Variants in ABCB11 observed in about 807,000 individuals in gnomAD.
ABCB11 encodes ATP binding cassette subfamily B member 11.
ABCB11 carries 95 observed loss-of-function variants against 148.0 expected under a neutral mutation model. That is an observed-to-expected ratio of 0.64 (90% CI 0.54 to 0.76). The LOEUF (loss-of-function observed/expected upper bound fraction) is 0.76, where lower values mean the gene tolerates loss of function less well. Among genes scored for constraint, ABCB11 ranks in the 30% least tolerant of loss-of-function variants. ABCB11 has a pLI of 0.00. For missense variants in ABCB11, 1,523 were observed against 1,617.8 expected (o/e 0.94, Z 1.01); for synonymous variants, 591 against 555.4 (o/e 1.06, Z -0.90).
intron 14 of ABCB11, chr2:168,970,726 TCAGA>T (rs751139992): frequency 4.4e-6 from 1 of 228,946 alleles, no homozygotes; most frequent in Non-Finnish European, 8.8e-6. Context: ...GTGTTAGTGG[TCAGA>T]CACTTATCTT....
chr2:168,983,330 A>C (rs1032901910), intron 10 of ABCB11, among the ~76,000 whole-genome samples: 3 of 152,186 alleles, frequency 2.0e-5, no homozygotes, highest in African/African-American at 7.2e-5. Flanking sequence ...TAAATGTCAA[A>C]GTTCTTAGGA....
chr2:168,992,146 G>C lies in ABCB11; in HGVS notation c.784-1221C>G, dbSNP rs35059993. Among the ~76,000 whole-genome samples the C allele has an allele frequency of 4.6e-5, 7 of 151,762 alleles. No individual in the cohort carries two copies. The East Asian group carries it at 1.2e-3, about 25-fold the overall frequency. On this transcript the variant is annotated intron_variant, in intron 8 of 27. Coordinates refer to ENST00000650372, the MANE Select transcript of ABCB11 (RefSeq NM_003742.4). The stretch of plus-strand genomic sequence containing the variant: ...ATAGTTTGTTGTATAGTTGCTTGTA[G>C]AAGTTTGTTGTATAAGGACAAGCAT...
intron 5 of ABCB11, among the ~76,000 whole-genome samples, chr2:169,006,556 G>GATAAA (rs140687117): frequency 0.027 from 4,132 of 150,958 alleles, 51 homozygotes; most frequent in Non-Finnish European, 0.031. Flanking sequence ...TAGGCAATAA[G>GATAAA]ATAAAATAAA....
Position 168,923,396 on chromosome 2 carries a change from A to C in ABCB11, c.*226T>G. 1 of 589,400 alleles carries C rather than the reference A, an allele frequency of 1.7e-6. No individual in the cohort carries two copies. Among genetic ancestry groups the C allele is most frequent in the Non-Finnish European group, 3.0e-6 (1 of 334,218 alleles). 36.5% of individuals were successfully genotyped at this position (589,400 alleles called of 1,614,324 possible). On this transcript the variant is annotated 3_prime_UTR_variant, in exon 28 of 28. Transcript: ENST00000650372. ...TTGGGTTTTCCCTCATATGGACCCT[A>C]GTTTCTTTCATTTTCTGTATACACA...
chr2:168,985,388 A>G (rs1401115542), intron 10 of ABCB11, among the ~76,000 whole-genome samples: 1 of 152,170 alleles, frequency 6.6e-6, no homozygotes, highest in Non-Finnish European at 1.5e-5. Flanking sequence ...CAGCAATCCC[A>G]CTACTGGGTA....
intron 1 of ABCB11, among the ~76,000 whole-genome samples, chr2:169,021,571 CAAA>C (rs1235125432): frequency 3.3e-5 from 5 of 151,496 alleles, no homozygotes; most frequent in Non-Finnish European, 7.4e-5. Context: ...GATAAACAGA[CAAA>C]AAATTAGAAA....
At position 168,924,514 on chromosome 2, in the gene ABCB11, TTG is replaced by T. The variant is rs1484062435; in HGVS notation, c.3765+141_3765+142del. The T allele has an allele frequency of 4.4e-6, 3 of 677,240 alleles. No individual in the cohort carries two copies. The African/African-American group carries it at 5.4e-5, about 12-fold the overall frequency. 42.0% of individuals were successfully genotyped at this position (677,240 alleles called of 1,614,324 possible). A position where few individuals can be genotyped will look rare whatever the true frequency, so the allele number is the denominator to read the frequency against. On this transcript the variant is annotated intron_variant, in intron 27 of 27. Coordinates refer to ENST00000650372, the MANE Select transcript of ABCB11 (RefSeq NM_003742.4). ...ATATTAAATCACTTGCTCTAGATAATTGTCTTTTGGTTCCACAAAGTATTGCC... is the reference window on the plus strand; with the variant it reads ...ATATTAAATCACTTGCTCTAGATAATTCTTTTGGTTCCACAAAGTATTGCC...
chr2:168,943,223 A>C (rs1692147303), intron 21 of ABCB11, among the ~76,000 whole-genome samples: 1 of 152,006 alleles, frequency 6.6e-6, no homozygotes, highest in Non-Finnish European at 1.5e-5. Flanking sequence ...CCTAAATTCA[A>C]GAGTAAAGGG....
At chr2:168,947,767 G>A (rs1268820939) in intron 19 of ABCB11, among the ~76,000 whole-genome samples, 2 of 151,586 alleles carry the variant, frequency 1.3e-5, no homozygotes, top group East Asian at 1.9e-4. Context: ...GAACAAGAAC[G>A]ACGAGTAGAC....
Position 168,979,996 on chromosome 2 carries a change from G to A in ABCB11, c.1084-17C>T. ...GAGGAAAATCTGAAATGAAAAGAGA[G>A]AGATTTTTCATGTGTTTTTGTTAAT... On this transcript the variant is annotated splice_polypyrimidine_tract_variant and intron_variant, in intron 10 of 27. Coordinates refer to ENST00000650372, the MANE Select transcript of ABCB11 (RefSeq NM_003742.4). The A allele has an allele frequency of 7.4e-6, 11 of 1,490,034 alleles. No individual in the cohort carries two copies. The highest frequency in any genetic ancestry group is 8.4e-6 in the Non-Finnish European group (9 of 1,069,472). 92.3% of individuals were successfully genotyped at this position (1,490,034 alleles called of 1,614,324 possible).
intron 23 of ABCB11, 96 bp downstream of exon 23, chr2:168,935,088 G>A: frequency 6.6e-7 from 1 of 1,509,052 alleles, no homozygotes; most frequent in Non-Finnish European, 9.0e-7. Context: ...ACCAAGCTTG[G>A]GATGGTTTGC....
intron 5 of ABCB11, among the ~76,000 whole-genome samples, chr2:169,010,255 T>C (rs1695140768): frequency 6.6e-6 from 1 of 152,164 alleles, no homozygotes; most frequent in South Asian, 2.1e-4. Context: ...GAAAATAAAA[T>C]GAAATTGCAA....
At chr2:168,998,606 A>G (rs1694786877) in intron 5 of ABCB11, among the ~76,000 whole-genome samples, 1 of 46,234 alleles carries the variant, frequency 2.2e-5, no homozygotes, top group Non-Finnish European at 6.3e-5. Flanking sequence ...ACAATAAATA[A>G]CTTAAATTTC....
intron 19 of ABCB11, among the ~76,000 whole-genome samples, chr2:168,949,858 A>G (rs747662208): frequency 3.3e-5 from 5 of 151,530 alleles, no homozygotes; most frequent in Non-Finnish European, 7.4e-5. Flanking sequence ...GGTGGGCACA[A>G]TTTAATCAGC....
chr2:168,936,124 T>C, intron 22 of ABCB11, 106 bp downstream of exon 22: 2 of 1,130,974 alleles, frequency 1.8e-6, no homozygotes, highest in Non-Finnish European at 2.5e-6. Context: ...GTGCCTGTCT[T>C]GTGGGCTGAC....
At chr2:168,969,202 T>A in intron 16 of ABCB11, 148 bp downstream of exon 16, 2 of 703,952 alleles carry the variant, frequency 2.8e-6, no homozygotes, top group East Asian at 5.5e-5. Flanking sequence ...CTTAGCTTCC[T>A]GAGCTTCAGT....
Position 168,957,834 on chromosome 2 carries a change from T to G in ABCB11, c.2343+130A>C, listed in dbSNP as rs1315209736. On this transcript the variant is annotated intron_variant, in intron 19 of 27. Coordinates refer to ENST00000650372, the MANE Select transcript of ABCB11 (RefSeq NM_003742.4). ...TGTGTGATGGAGGCTTAGGAAATTT[T>G]TCATTCTTTAGAGATGAGAAAAATG... 3 of 940,574 alleles carry G rather than the reference T, an allele frequency of 3.2e-6. No homozygotes were observed. The African/African-American group carries it at 5.0e-5, about 16-fold the overall frequency. 58.3% of individuals were successfully genotyped at this position (940,574 alleles called of 1,614,324 possible).
At chr2:168,918,826 C>T (rs1690995357), downstream of ABCB11, among the ~76,000 whole-genome samples, 1 of 152,064 alleles carries the variant, frequency 6.6e-6, no homozygotes, top group Admixed American at 6.6e-5. Context: ...TCTGGACTCC[C>T]TTCTGTTCTG....
chr2:168,937,887 A>C (rs1478970926), intron 21 of ABCB11, among the ~76,000 whole-genome samples: 3 of 152,232 alleles, frequency 2.0e-5, no homozygotes, highest in Non-Finnish European at 4.4e-5. Flanking sequence ...AATTATATCT[A>C]TACTAATCAG....
Sources: gnomAD v4.1 joint callset for allele counts (sites outside exome capture counted in the v4.1 genomes callset) on GRCh38, gnomAD v4.1.1 for gene constraint, MANE v1.5 for transcripts, NCBI Gene and HGNC (gene_info 2026-07-23, HGNC 2026-07-21) for gene names.